The following PCCA variants were observed in gnomAD, a reference collection of about 807,000 sequenced individuals.
PCCA encodes propionyl-CoA carboxylase subunit alpha, also known as propionyl-CoA carboxylase alpha chain, mitochondrial.
In PCCA, 74 loss-of-function variants were observed where a neutral mutation model predicts 101.3. The observed-to-expected ratio is 0.73, with a 90% CI of 0.61 to 0.89. The LOEUF (loss-of-function observed/expected upper bound fraction) is 0.89, where lower values mean the gene tolerates loss of function less well. Among genes scored for constraint, PCCA ranks in the 40% least tolerant of loss-of-function variants. The pLI is 0.00. For missense variants in PCCA, 891 were observed against 907.0 expected (o/e 0.98, Z 0.23); for synonymous variants, 294 against 313.6 (o/e 0.94, Z 0.66).
At chr13:100,438,646 T>TATAA (rs2152912654) in intron 20 of PCCA, among the ~76,000 whole-genome samples, 1 of 152,084 alleles carries the variant, frequency 6.6e-6, no homozygotes, top group African/African-American at 2.4e-5. Context: ...CCCTGTGGCA[T>TATAA]ATAAGCTCTG....
chr13:100,168,486 A>G (rs2055284472), intron 6 of PCCA, among the ~76,000 whole-genome samples: 1 of 152,202 alleles, frequency 6.6e-6, no homozygotes, highest in Non-Finnish European at 1.5e-5. Flanking sequence ...AGTTCCTGGA[A>G]TGAATTCTGG....
chr13:100,387,722 G>A (rs1021194674), intron 19 of PCCA, among the ~76,000 whole-genome samples: 13 of 152,094 alleles, frequency 8.5e-5, no homozygotes, highest in South Asian at 2.1e-4. Context: ...AGTGGGTATC[G>A]CACTCTACTT....
At chr13:100,250,097 G>T (rs372282790) in intron 8 of PCCA, among the ~76,000 whole-genome samples, 3 of 152,104 alleles carry the variant, frequency 2.0e-5, no homozygotes, top group African/African-American at 7.2e-5. Context: ...GGAATCTGCA[G>T]TCAGATGTTG....
intron 20 of PCCA, among the ~76,000 whole-genome samples, chr13:100,446,100 C>T (rs1394069000): frequency 1.3e-5 from 2 of 152,074 alleles, no homozygotes; most frequent in Non-Finnish European, 1.5e-5. Flanking sequence ...AGTGCTTTGG[C>T]ACAGTCGGCT....
chr13:100,182,478 A>G (rs898892985), intron 6 of PCCA, among the ~76,000 whole-genome samples: 1 of 152,194 alleles, frequency 6.6e-6, no homozygotes, highest in African/African-American at 2.4e-5. Context: ...CAGGGCTGTG[A>G]GTTGCCTTCA....
chr13:100,465,620 G>A (rs974037081), intron 21 of PCCA, among the ~76,000 whole-genome samples: 2 of 152,132 alleles, frequency 1.3e-5, no homozygotes, highest in African/African-American at 4.8e-5. Context: ...TAACATTTTG[G>A]ACAATTCTCT....
chr13:100,476,910 T>G (rs1180385196), intron 21 of PCCA, among the ~76,000 whole-genome samples: 1 of 152,190 alleles, frequency 6.6e-6, no homozygotes, highest in East Asian at 1.9e-4. Flanking sequence ...CTTTAGACTC[T>G]GAAGCTCGTC....
Position 100,209,353 on chromosome 13 carries a change from A to G in PCCA, c.490A>G (p.Ile164Val), listed in dbSNP as rs539693612. 4.0e-5 allele frequency: 65 copies of G among 1,613,762 alleles called. No homozygotes were observed. The East Asian group carries it at 1.3e-3, about 33-fold the overall frequency. ...ACAGGCAGCAGAAGATGTCGTTTTC[A>G]TTGGACCTGACACACATGCTATTCA... ...RCLAAEDVVFIGPDTHAIQAM... is the reference protein window; with the variant it reads ...RCLAAEDVVFVGPDTHAIQAM... Residue 164 changes from isoleucine to valine, a missense_variant, in exon 7 of 24, where the codon ATT becomes GTT. Coordinates refer to ENST00000376285, the MANE Select transcript of PCCA (RefSeq NM_000282.4).
At chr13:100,466,875 A>AAAACAAAACAAAACAAAACC (rs1399206713) in intron 21 of PCCA, among the ~76,000 whole-genome samples, 2 of 152,118 alleles carry the variant, frequency 1.3e-5, no homozygotes, top group African/African-American at 4.8e-5. Flanking sequence ...AAAACAAAAC[A>AAAACAAAACAAAACAAAACC]AAACAAACAC....
At chr13:100,473,968 T>A (rs2083221749) in intron 21 of PCCA, among the ~76,000 whole-genome samples, 1 of 152,210 alleles carries the variant, frequency 6.6e-6, no homozygotes, top group Non-Finnish European at 1.5e-5. Flanking sequence ...TTTTTTGTGG[T>A]TTCTGGAGAA....
chr13:100,309,289 C>T lies in PCCA; in HGVS notation c.1354-544C>T, dbSNP rs754358394. Among the ~76,000 whole-genome samples, 7 of 152,240 alleles carry T rather than the reference C, an allele frequency of 4.6e-5. No homozygotes were observed. In the East Asian group the frequency reaches 1.3e-3, roughly 29 times the overall value. On this transcript the variant is annotated intron_variant, in intron 15 of 23. Coordinates refer to ENST00000376285, the MANE Select transcript of PCCA (RefSeq NM_000282.4). ...ACACACGCCTGAAATCCCAGCTTCT[C>T]GAGAGGCTGAGGCGAGAGGATCGCT...
chr13:100,416,674 G>T (rs553034548), intron 19 of PCCA, among the ~76,000 whole-genome samples: 4 of 151,256 alleles, frequency 2.6e-5, no homozygotes, highest in African/African-American at 9.7e-5. Flanking sequence ...ACAGACACTC[G>T]CCACCACGCC....
intron 7 of PCCA, among the ~76,000 whole-genome samples, chr13:100,225,230 G>C (rs142280133): frequency 6.6e-6 from 1 of 152,260 alleles, no homozygotes; most frequent in African/African-American, 2.4e-5. Flanking sequence ...GGAATCCATG[G>C]GATTATGTGA....
At chr13:100,218,975 A>C (rs2059668081) in intron 7 of PCCA, among the ~76,000 whole-genome samples, 2 of 152,190 alleles carry the variant, frequency 1.3e-5, no homozygotes, top group African/African-American at 4.8e-5. Flanking sequence ...GTCCTTCATC[A>C]TGCAGCTACA....
Position 100,489,344 on chromosome 13 carries a change from C to G in PCCA, c.1900-26083C>G, listed in dbSNP as rs9585449. ...AGTTTTATCGGAACACAGCCATGCT[C>G]ATTCCTGTATGTACTGTCAGTGGCT... On this transcript the variant is annotated intron_variant, in intron 21 of 23. Coordinates refer to ENST00000376285, the MANE Select transcript of PCCA (RefSeq NM_000282.4). Among the ~76,000 whole-genome samples the G allele has an allele frequency of 7.9e-5, 12 of 152,066 alleles. No individual in the cohort carries two copies. The East Asian group carries it at 2.3e-3, about 29-fold the overall frequency.
chr13:100,132,170 A>G (rs1194942691), intron 4 of PCCA, among the ~76,000 whole-genome samples: 5 of 147,190 alleles, frequency 3.4e-5, no homozygotes, highest in Non-Finnish European at 7.5e-5. Flanking sequence ...TTTAAAAATT[A>G]TCCTATAGTA....
chr13:100,136,642 A>G (rs562319588), intron 4 of PCCA, among the ~76,000 whole-genome samples: 98 of 152,216 alleles, frequency 6.4e-4, no homozygotes, highest in Non-Finnish European at 1.1e-3. Flanking sequence ...GTGTTTTGCC[A>G]TTTTTGAGGA....
intron 20 of PCCA, among the ~76,000 whole-genome samples, chr13:100,442,453 T>G (rs1262787485): frequency 6.6e-6 from 1 of 152,270 alleles, no homozygotes; most frequent in African/African-American, 2.4e-5. Context: ...TGATACAGTT[T>G]GTTTTTAATG....
intron 20 of PCCA, among the ~76,000 whole-genome samples, chr13:100,428,328 C>T (rs1457277479): frequency 7.3e-6 from 1 of 136,576 alleles, no homozygotes; most frequent in Non-Finnish European, 1.6e-5. Context: ...TCCCCGACCC[C>T]CCCTACCCCC....
Sources: gnomAD v4.1 joint callset for allele counts (sites outside exome capture counted in the v4.1 genomes callset) on GRCh38, gnomAD v4.1.1 for gene constraint, MANE v1.5 for transcripts, NCBI Gene and HGNC (gene_info 2026-07-23, HGNC 2026-07-21) for gene names.